The following FGF14 variants were observed in gnomAD, a reference collection of about 807,000 sequenced individuals.
The protein encoded by FGF14 is fibroblast growth factor homologous factor 4.
A neutral mutation model predicts 25.5 loss-of-function variants in FGF14; 5 were observed. The ratio of observed to expected loss-of-function variants is 0.20; its 90% CI spans 0.10 to 0.41. The LOEUF is 0.41. FGF14 is among the 10% of genes least tolerant of loss of function. FGF14 has a pLI of 1.00. For synonymous variants in FGF14, 138 were observed against 118.3 expected, an observed-to-expected ratio of 1.17 and a Z score of -1.08; for missense variants, 222 against 320.1, an observed-to-expected ratio of 0.69 and a Z score of 2.34.
chr13:102,069,991 A>G (rs1362596623), intron 1 of FGF14, among the ~76,000 whole-genome samples: 1 of 152,164 alleles, frequency 6.6e-6, no homozygotes, highest in Non-Finnish European at 1.5e-5. Flanking sequence ...CTTGAGCAAT[A>G]CCTTAAAAGC....
At chr13:102,107,400 G>T (rs1198206980) in intron 1 of FGF14, among the ~76,000 whole-genome samples, 1 of 152,062 alleles carries the variant, frequency 6.6e-6, no homozygotes, top group African/African-American at 2.4e-5. Context: ...CTTTTGAGTC[G>T]ATTAACCCAA....
intron 1 of FGF14, among the ~76,000 whole-genome samples, chr13:102,246,186 C>T (rs930499308): frequency 1.3e-5 from 2 of 152,056 alleles, no homozygotes; most frequent in Non-Finnish European, 2.9e-5. Flanking sequence ...TAGACTACTG[C>T]TTTTGCTATA....
At chr13:102,401,229 T>G (rs1393891523) in intron 1 of FGF14, among the ~76,000 whole-genome samples, 2 of 151,570 alleles carry the variant, frequency 1.3e-5, no homozygotes, top group Admixed American at 6.6e-5. Context: ...AAAAAAAGTT[T>G]CCTCCTCCCT....
chr13:101,964,453 C>G (rs1008984038), intron 1 of FGF14, among the ~76,000 whole-genome samples: 1 of 152,212 alleles, frequency 6.6e-6, no homozygotes, highest in Non-Finnish European at 1.5e-5. Context: ...CCATGAAGAA[C>G]AGCCTGCTTT....
At chr13:101,921,293 G>A (rs2139169359), upstream of FGF14, among the ~76,000 whole-genome samples, 1 of 152,230 alleles carries the variant, frequency 6.6e-6, no homozygotes, top group African/African-American at 2.4e-5. Flanking sequence ...ACTAACACCA[G>A]CAATTGTTGA....
In FGF14 at chr13:101,721,786, A is replaced by C. The variant is rs2139651422; in HGVS notation, c.*1045T>G. ...GGGATGGCGTTAAGTTTGGTTCATTAAAAACAGGACGGAGTATATCTGAAA... is the reference window on the plus strand; with the variant it reads ...GGGATGGCGTTAAGTTTGGTTCATTCAAAACAGGACGGAGTATATCTGAAA... On this transcript the variant is annotated 3_prime_UTR_variant, in exon 5 of 5. Coordinates refer to ENST00000376143, the MANE Select transcript of FGF14 (RefSeq NM_004115.4). The C allele has an allele frequency of 6.6e-6, 1 of 152,230 alleles. No individual in the cohort carries two copies. The highest frequency in any genetic ancestry group is 1.5e-5 in the Non-Finnish European group (1 of 68,000). The allele number at this position is 152,230 out of a possible 1,614,324, so 9.4% of individuals were successfully genotyped here. A position where few individuals can be genotyped will look rare whatever the true frequency, so the allele number is the denominator to read the frequency against.
chr13:101,712,554 T>C lies in FGF14; in HGVS notation c.*10277A>G, dbSNP rs995567036. On this transcript the variant is annotated 3_prime_UTR_variant, in exon 5 of 5. Transcript: ENST00000376143. ...TAAAATGATATCCTGGGTGTATATA[T>C]GAATATTATGGGCATATAAAATCAG... is the stretch of plus-strand genomic sequence containing the variant. 1 of 152,154 alleles carries C rather than the reference T, an allele frequency of 6.6e-6. No homozygotes were observed. Among genetic ancestry groups the C allele is most frequent in the African/African-American group, 2.4e-5 (1 of 41,430 alleles). The allele number at this position is 152,154 out of a possible 1,614,324, so 9.4% of individuals were successfully genotyped here.
At chr13:101,734,889 A>C (rs1305605308) in intron 3 of FGF14, among the ~76,000 whole-genome samples, 1 of 152,200 alleles carries the variant, frequency 6.6e-6, no homozygotes, top group Non-Finnish European at 1.5e-5. Flanking sequence ...GTTCAATTGA[A>C]AGAATTTACT....
At chr13:102,244,666 C>T (rs2051771729) in intron 1 of FGF14, among the ~76,000 whole-genome samples, 1 of 151,956 alleles carries the variant, frequency 6.6e-6, no homozygotes, top group Non-Finnish European at 1.5e-5. Flanking sequence ...CCATTTTAAT[C>T]ACACAACTGG....
Position 102,238,257 on chromosome 13 carries a change from T to C in FGF14, c.208+163214A>G, listed in dbSNP as rs148304310. On this transcript the variant is annotated intron_variant, in intron 1 of 4. Coordinates refer to the FGF14 transcript ENST00000376131. ...ATGAGATAAAGGTTAATCCAAGGATTAACAAATGCCACAATTCAAAATAAA... is the reference window on the plus strand; with the variant it reads ...ATGAGATAAAGGTTAATCCAAGGATCAACAAATGCCACAATTCAAAATAAA... Among the ~76,000 whole-genome samples, 3 of 152,300 alleles carry C rather than the reference T, an allele frequency of 2.0e-5. No homozygotes were observed. In the East Asian group the frequency reaches 5.8e-4, roughly 29 times the overall value.
At chr13:101,950,927 T>C (rs12870550) in intron 1 of FGF14, among the ~76,000 whole-genome samples, 1 of 151,980 alleles carries the variant, frequency 6.6e-6, no homozygotes, top group Non-Finnish European at 1.5e-5. Flanking sequence ...TAAAGAAAAG[T>C]GTTGGAAAGT....
At chr13:101,977,740 C>T (rs2038014199) in intron 1 of FGF14, among the ~76,000 whole-genome samples, 1 of 151,988 alleles carries the variant, frequency 6.6e-6, no homozygotes, top group Admixed American at 6.6e-5. Flanking sequence ...CAAACAAAAA[C>T]AAAAAATGTT....
At chr13:101,723,757 C>T (rs975195674) in intron 4 of FGF14, among the ~76,000 whole-genome samples, 3 of 151,968 alleles carry the variant, frequency 2.0e-5, no homozygotes, top group South Asian at 2.1e-4. Flanking sequence ...TAGTAGTTCA[C>T]GTGGCTTTTT....
intron 1 of FGF14, among the ~76,000 whole-genome samples, chr13:102,136,240 C>T (rs1183538941): frequency 6.6e-6 from 1 of 152,094 alleles, no homozygotes; most frequent in African/African-American, 2.4e-5. Flanking sequence ...ATGCCAAGTA[C>T]TAGTTTACCA....
At chr13:101,775,406 T>C (rs1054628264) in intron 3 of FGF14, among the ~76,000 whole-genome samples, 3 of 152,136 alleles carry the variant, frequency 2.0e-5, no homozygotes, top group Non-Finnish European at 2.9e-5. Flanking sequence ...GGCCCACAGA[T>C]GATATGAGAA....
At chr13:101,958,203 G>A (rs950971550) in intron 1 of FGF14, among the ~76,000 whole-genome samples, 1 of 152,164 alleles carries the variant, frequency 6.6e-6, no homozygotes, top group Non-Finnish European at 1.5e-5. Flanking sequence ...TGTCTGTGAG[G>A]TTGGCAATTT....
At chr13:101,986,101 G>T (rs2038563476) in intron 1 of FGF14, among the ~76,000 whole-genome samples, 2 of 152,070 alleles carry the variant, frequency 1.3e-5, no homozygotes, top group South Asian at 4.1e-4. Flanking sequence ...ATGCTTATTT[G>T]TTTGTTTTAA....
chr13:102,018,705 G>T (rs2040477672), intron 1 of FGF14, among the ~76,000 whole-genome samples: 1 of 151,824 alleles, frequency 6.6e-6, no homozygotes, highest in Non-Finnish European at 1.5e-5. Context: ...CATCCCTGAG[G>T]CCTCTTCATC....
At chr13:102,091,446 C>T (rs900912865) in intron 1 of FGF14, among the ~76,000 whole-genome samples, 5 of 133,848 alleles carry the variant, frequency 3.7e-5, no homozygotes, top group Non-Finnish European at 5.3e-5. Flanking sequence ...CATCACTCTA[C>T]GATGCTTCAG....
Sources: gnomAD v4.1 joint callset for allele counts (sites outside exome capture counted in the v4.1 genomes callset) on GRCh38, gnomAD v4.1.1 for gene constraint, MANE v1.5 for transcripts, NCBI Gene and HGNC (gene_info 2026-07-23, HGNC 2026-07-21) for gene names.